The following MYL12A variants were observed in gnomAD, a reference collection of about 807,000 sequenced individuals.
MYL12A encodes the protein myosin regulatory light chain 12A.
A neutral mutation model predicts 13.3 loss-of-function variants in MYL12A; 11 were observed. That is an observed-to-expected ratio of 0.83 (90% CI 0.52 to 1.37). The LOEUF is 1.37. Ranked by LOEUF, MYL12A falls within the 40% of genes most tolerant of loss-of-function variation. The probability of loss-of-function intolerance (pLI) is 0.00; values close to 1 mark genes in which losing one functional copy is unlikely to be tolerated. For missense variants in MYL12A, 146 were observed against 212.3 expected (o/e 0.69, Z 1.94); for synonymous variants, 51 against 69.9 (o/e 0.73, Z 1.35).
At chr18:3,255,195 G>A (rs1254668048) in intron 3 of MYL12A, among the ~76,000 whole-genome samples, 3 of 152,160 alleles carry the variant, frequency 2.0e-5, no homozygotes, top group Non-Finnish European at 4.4e-5. Context: ...ACAATAATTG[G>A]ATTTGTAAAC....
intron 1 of MYL12A, chr18:3,252,576 CTT>C: frequency 1.2e-6 from 1 of 819,322 alleles, no homozygotes; most frequent in Non-Finnish European, 1.7e-6. Context: ...GTTTAGAGAT[CTT>C]AGATACTTCC....
chr18:3,256,192 T>G lies in MYL12A; in HGVS notation c.*274T>G. Reference sequence around the variant, plus strand: ...AATATATTTTTTCAGAGAAAGTTATTCGCTCGATTTTTTCTGAATCATAAT... The same window carrying G: ...AATATATTTTTTCAGAGAAAGTTATGCGCTCGATTTTTTCTGAATCATAAT... On this transcript the variant is annotated 3_prime_UTR_variant, in exon 4 of 4. Transcript: ENST00000217652. 3.0e-6 allele frequency: 1 copy of G among 328,056 alleles called. No individual in the cohort carries two copies. Among genetic ancestry groups the G allele is most frequent in the Non-Finnish European group, 5.5e-6 (1 of 182,240 alleles). The allele number at this position is 328,056 out of a possible 1,614,324, so 20.3% of individuals were successfully genotyped here.
chr18:3,248,737 C>A (rs2081454386), intron 1 of MYL12A: 1 of 152,176 alleles, frequency 6.6e-6, no homozygotes, highest in Non-Finnish European at 1.5e-5. Flanking sequence ...GGCAAGTCAG[C>A]CCTCACAGCT....
Position 3,252,175 on chromosome 18 carries a change from A to G in MYL12A, c.-15-1058A>G, listed in dbSNP as rs540919453. The G allele has an allele frequency of 1.0e-5, 6 of 586,490 alleles. 1 individual carries two copies. Among genetic ancestry groups the G allele is most frequent in the East Asian group, 9.1e-5 (3 of 33,122 alleles). 36.3% of individuals were successfully genotyped at this position (586,490 alleles called of 1,614,324 possible). On this transcript the variant is annotated intron_variant, in intron 1 of 3. Transcript: ENST00000217652. ...GATCATAGCTAAATGTTGTTTTCAG[A>G]ACGTAAGCTTTAAAATTGTTATCCT...
At chr18:3,253,211 T>C in intron 1 of MYL12A, 22 bp from the exon 2 acceptor site, 1 of 1,574,554 alleles carries the variant, frequency 6.4e-7, no homozygotes, top group Non-Finnish European at 8.6e-7. Context: ...TTGGTTTTTA[T>C]TGTATTTCCT....
At chr18:3,252,253 C>T (rs2081493317) in intron 1 of MYL12A, 1 of 1,297,504 alleles carries the variant, frequency 7.7e-7, no homozygotes, top group Admixed American at 2.1e-5. Flanking sequence ...AAGAATATAA[C>T]TCAATGCAGT....
At position 3,253,153 on chromosome 18, in the gene MYL12A, T is replaced by C. The variant is rs965183943; in HGVS notation, c.-15-80T>C. Reference sequence around the variant, plus strand: ...TCAGGAAAGTTGGTTCTGTGTACTTTTGTTAATCATTGTTTTGATTCAAAC... The same window carrying C: ...TCAGGAAAGTTGGTTCTGTGTACTTCTGTTAATCATTGTTTTGATTCAAAC... On this transcript the variant is annotated intron_variant, in intron 1 of 3. Transcript: ENST00000217652. The C allele has an allele frequency of 3.3e-5, 48 of 1,456,372 alleles. No homozygotes were observed. The South Asian group carries it at 5.3e-4, about 16-fold the overall frequency. The allele number at this position is 1,456,372 out of a possible 1,614,324, so 90.2% of individuals were successfully genotyped here. A position where few individuals can be genotyped will look rare whatever the true frequency, so the allele number is the denominator to read the frequency against.
At chr18:3,249,097 TAGA>T (rs545233778) in intron 1 of MYL12A, among the ~76,000 whole-genome samples, 122 of 152,362 alleles carry the variant, frequency 8.0e-4, no homozygotes, top group African/African-American at 2.8e-3. Flanking sequence ...GTTCGTTTTG[TAGA>T]AGAAGTTTCT....
chr18:3,253,169 T>C, intron 1 of MYL12A, 64 bp from the exon 2 acceptor site: 1 of 1,503,022 alleles, frequency 6.7e-7, no homozygotes, highest in Non-Finnish European at 9.0e-7. Flanking sequence ...ATCATTGTTT[T>C]GATTCAAACT....
intron 1 of MYL12A, among the ~76,000 whole-genome samples, chr18:3,252,022 A>G (rs1210106560): frequency 6.6e-6 from 1 of 152,222 alleles, no homozygotes; most frequent in African/African-American, 2.4e-5. Context: ...AAAGAATGTA[A>G]GAAATTACTT....
intron 2 of MYL12A, 118 bp downstream of exon 2, chr18:3,253,546 T>A: frequency 8.1e-7 from 1 of 1,239,634 alleles, no homozygotes; most frequent in Non-Finnish European, 1.1e-6. Context: ...AAGGTTTGAG[T>A]AAAGTGTGGA....
chr18:3,250,227 C>A (rs1463115771), intron 1 of MYL12A, among the ~76,000 whole-genome samples: 3 of 152,194 alleles, frequency 2.0e-5, no homozygotes, highest in Admixed American at 6.5e-5. Flanking sequence ...AATAATAAAG[C>A]AATTTCAACT....
chr18:3,248,998 A>G lies in MYL12A; in HGVS notation c.-16+1089A>G, dbSNP rs372980882. Among the ~76,000 whole-genome samples the G allele has an allele frequency of 2.0e-5, 3 of 152,296 alleles. No individual in the cohort carries two copies. In the South Asian group the frequency reaches 6.2e-4, roughly 32 times the overall value. The stretch of plus-strand genomic sequence containing the variant: ...GGGTTTAGAAAGCCCACCAAATACT[A>G]GGTGCTATCACAGTACGCAGTGTTT... On this transcript the variant is annotated intron_variant, in intron 1 of 3. Coordinates refer to ENST00000217652, the MANE Select transcript of MYL12A (RefSeq NM_006471.4).
intron 1 of MYL12A, among the ~76,000 whole-genome samples, chr18:3,251,874 G>A (rs2081489338): frequency 6.6e-6 from 1 of 151,788 alleles, no homozygotes; most frequent in Admixed American, 6.6e-5. Context: ...GTATTGGATG[G>A]GCTGGAATTT....
rs1025014582 is a variant in MYL12A at position 3,254,344 on chromosome 18, T to C, written c.343+294T>C. ...AAAATATGTATTGAATAAAAAACTT[T>C]TACCAGAATAATCTTGATGAAGTAT... On this transcript the variant is annotated intron_variant, in intron 3 of 3. Transcript: ENST00000217652. Among the ~76,000 whole-genome samples the C allele has an allele frequency of 6.6e-5, 10 of 152,304 alleles. No homozygotes were observed. The East Asian group carries it at 1.9e-3, about 29-fold the overall frequency.
At chr18:3,248,925 CT>C (rs34272117) in intron 1 of MYL12A, among the ~76,000 whole-genome samples, 22,675 of 147,020 alleles carry the variant, frequency 0.15, 1,778 homozygotes, top group East Asian at 0.26. Flanking sequence ...TATACTTAGG[CT>C]TTTTTTTTTT....
At chr18:3,252,973 C>T (rs2081500979) in intron 1 of MYL12A, among the ~76,000 whole-genome samples, 1 of 151,768 alleles carries the variant, frequency 6.6e-6, no homozygotes. Flanking sequence ...TGGGAGTTTC[C>T]TAAGTACCTA....
chr18:3,247,561 G>A (rs1241475269), upstream of MYL12A: 1 of 152,678 alleles, frequency 6.5e-6, no homozygotes, highest in Admixed American at 6.5e-5. Flanking sequence ...GGATAGGGGG[G>A]AGGAAGACTT....
rs774337203 is a variant in MYL12A, at chr18:3,253,394, C to A, written c.147C>A (p.Asp49Glu). ...MIDQNRDGFI[D>E]KEDLHDMLAS... Reference sequence around the variant, plus strand: ...ATCAGAACAGAGATGGTTTCATCGACAAGGAAGATTTGCATGATATGCTTG... The same window carrying A: ...ATCAGAACAGAGATGGTTTCATCGAAAAGGAAGATTTGCATGATATGCTTG... Residue 49 changes from aspartate (D) to glutamate (E), a missense_variant, in exon 2 of 4, where the codon GAC becomes GAA. Coordinates refer to ENST00000217652, the MANE Select transcript of MYL12A (RefSeq NM_006471.4). 4 of 1,613,514 alleles carry A rather than the reference C, an allele frequency of 2.5e-6. No homozygotes were observed. The highest frequency in any genetic ancestry group is 3.3e-5 in the Admixed American group (2 of 59,956).
Sources: allele counts gnomAD v4.1 joint callset (sites outside exome capture counted in the v4.1 genomes callset), GRCh38; gene constraint gnomAD v4.1.1; transcripts MANE v1.5; gene names NCBI Gene and HGNC (gene_info 2026-07-23, HGNC 2026-07-21).